CHD9: variants seen among roughly 807,000 people sequenced by gnomAD.
CHD9 encodes the protein chromodomain helicase DNA binding protein 9.
CHD9 carries 77 observed loss-of-function variants against 316.1 expected under a neutral mutation model. That is an observed-to-expected ratio of 0.24 (90% CI 0.20 to 0.29). The LOEUF (loss-of-function observed/expected upper bound fraction) is 0.29, where lower values mean the gene tolerates loss of function less well. Among genes scored for constraint, CHD9 ranks in the 10% least tolerant of loss-of-function variants. The pLI is 1.00. For synonymous variants in CHD9, 1,129 were observed against 1,158.3 expected, an observed-to-expected ratio of 0.97 and a Z score of 0.51; for missense variants, 2,763 against 3,438.1, an observed-to-expected ratio of 0.80 and a Z score of 4.91.
intron 1 of CHD9, among the ~76,000 whole-genome samples, chr16:53,107,280 C>G (rs931041492): frequency 6.6e-6 from 1 of 151,556 alleles, no homozygotes; most frequent in Admixed American, 6.6e-5. Context: ...ACCAATATGG[C>G]GAAACCCCGT....
chr16:53,318,156 G>A, intron 36 of CHD9, 56 bp from the exon 37 acceptor site: 1 of 1,398,836 alleles, frequency 7.1e-7, no homozygotes, highest in Non-Finnish European at 9.7e-7. Flanking sequence ...TTAATATTTT[G>A]AATTGTTTTG....
At chr16:53,094,876 T>G (rs1040123713) in intron 1 of CHD9, among the ~76,000 whole-genome samples, 1 of 152,162 alleles carries the variant, frequency 6.6e-6, no homozygotes, top group Non-Finnish European at 1.5e-5. Flanking sequence ...TGACCTCAGG[T>G]GATCTGCCCG....
intron 2 of CHD9, 96 bp downstream of exon 2, chr16:53,157,637 A>T (rs2041612052): frequency 8.5e-7 from 1 of 1,183,362 alleles, no homozygotes; most frequent in Non-Finnish European, 1.2e-6. Flanking sequence ...AAGATTTCTC[A>T]AACTTGGTAA....
intron 2 of CHD9, among the ~76,000 whole-genome samples, chr16:53,201,496 C>T (rs2045450307): frequency 6.6e-6 from 1 of 152,150 alleles, no homozygotes; most frequent in Non-Finnish European, 1.5e-5. Flanking sequence ...TTAACATAAC[C>T]TATAACACCG....
intron 23 of CHD9, 118 bp from the exon 24 acceptor site, chr16:53,274,094 AG>A (rs2052557964): frequency 1.4e-6 from 1 of 706,272 alleles, no homozygotes; most frequent in Non-Finnish European, 2.5e-6. Flanking sequence ...TTTAATCAGA[AG>A]TAATATTTCA....
intron 2 of CHD9, among the ~76,000 whole-genome samples, chr16:53,157,917 A>G (rs1279711333): frequency 6.6e-6 from 1 of 152,226 alleles, no homozygotes; most frequent in Non-Finnish European, 1.5e-5. Context: ...TAATATTCCT[A>G]TAAAAAGCTT....
chr16:53,254,187 CAAA>C (rs1211493548), intron 17 of CHD9, among the ~76,000 whole-genome samples: 1 of 151,490 alleles, frequency 6.6e-6, no homozygotes, highest in Non-Finnish European at 1.5e-5. Context: ...AAAAAACAAA[CAAA>C]AAAAATAGTC....
intron 22 of CHD9, among the ~76,000 whole-genome samples, chr16:53,270,155 T>G (rs920514089): frequency 6.8e-6 from 1 of 146,384 alleles, no homozygotes; most frequent in African/African-American, 2.5e-5. Context: ...CCATCACACC[T>G]GGCTAATTTT....
chr16:53,271,555 C>CGA (rs2052269279), intron 22 of CHD9, among the ~76,000 whole-genome samples: 1 of 145,748 alleles, frequency 6.9e-6, no homozygotes, highest in African/African-American at 2.6e-5. Flanking sequence ...GCTGACAGAG[C>CGA]GAGACTCTGT....
intron 1 of CHD9, among the ~76,000 whole-genome samples, chr16:53,135,629 A>C (rs949498863): frequency 6.6e-6 from 1 of 152,176 alleles, no homozygotes; most frequent in South Asian, 2.1e-4. Context: ...GAAAGGAAAG[A>C]TTTGGCAAGA....
chr16:53,235,381 G>C (rs2048534671), intron 11 of CHD9, 75 bp downstream of exon 11: 2 of 1,052,240 alleles, frequency 1.9e-6, no homozygotes, highest in Admixed American at 5.5e-5. Flanking sequence ...AATAGATACT[G>C]TTGTTGCTAT....
intron 38 of CHD9, among the ~76,000 whole-genome samples, chr16:53,322,901 G>T (rs1253701220): frequency 2.6e-5 from 4 of 152,172 alleles, no homozygotes; most frequent in African/African-American, 9.7e-5. Flanking sequence ...TGAATGTTGA[G>T]ATGATGGATG....
intron 34 of CHD9, among the ~76,000 whole-genome samples, chr16:53,312,298 T>G (rs1480861541): frequency 2.6e-5 from 4 of 152,220 alleles, no homozygotes; most frequent in Non-Finnish European, 5.9e-5. Flanking sequence ...CATTAAAATA[T>G]TAGACAATAC....
chr16:53,058,271 C>A (rs1391229014), intron 1 of CHD9, among the ~76,000 whole-genome samples: 1 of 152,090 alleles, frequency 6.6e-6, no homozygotes, highest in Non-Finnish European at 1.5e-5. Flanking sequence ...CAGGCACATG[C>A]CACCACGCCC....
intron 17 of CHD9, among the ~76,000 whole-genome samples, chr16:53,251,121 A>G (rs1272717835): frequency 2.0e-5 from 3 of 152,204 alleles, no homozygotes; most frequent in Non-Finnish European, 4.4e-5. Context: ...AAATATTTCA[A>G]GCTTTGTGTG....
intron 22 of CHD9, among the ~76,000 whole-genome samples, chr16:53,268,615 A>G (rs575139348): frequency 5.2e-4 from 79 of 152,318 alleles, no homozygotes; most frequent in Admixed American, 1.4e-3. Flanking sequence ...ATACATCTTT[A>G]GAACCTAAAA....
chr16:53,168,712 T>C (rs1031952686), intron 2 of CHD9: 1 of 152,198 alleles, frequency 6.6e-6, no homozygotes, highest in African/African-American at 2.4e-5. Context: ...GCTAAGTACT[T>C]AAAAGTACAA....
intron 2 of CHD9, among the ~76,000 whole-genome samples, chr16:53,199,546 C>T: frequency 6.6e-6 from 1 of 152,136 alleles, no homozygotes. Flanking sequence ...TTAGTGTACT[C>T]ATCACCTATA....
chr16:53,304,922 G>A (rs1347601243), intron 31 of CHD9, among the ~76,000 whole-genome samples: 2 of 151,522 alleles, frequency 1.3e-5, no homozygotes, highest in East Asian at 1.9e-4. Context: ...TCAAACTCCC[G>A]ACCTCAGGTG....
Sources: gnomAD v4.1 joint callset for allele counts (sites outside exome capture counted in the v4.1 genomes callset) on GRCh38, gnomAD v4.1.1 for gene constraint, MANE v1.5 for transcripts, NCBI Gene and HGNC (gene_info 2026-07-23, HGNC 2026-07-21) for gene names.